EP400: variants seen among roughly 807,000 people sequenced by gnomAD.
EP400 encodes the protein E1A-binding protein p400.
In EP400, 105 loss-of-function variants were observed where a neutral mutation model predicts 354.1. The ratio of observed to expected loss-of-function variants is 0.30; its 90% CI spans 0.25 to 0.35. The LOEUF is 0.35. Ranked by LOEUF, EP400 falls within the 10% of genes least tolerant of loss-of-function variation. EP400 has a pLI of 1.00. For synonymous variants in EP400, 1,646 were observed against 1,716.9 expected, an observed-to-expected ratio of 0.96 and a Z score of 1.02; for missense variants, 3,280 against 4,121.0, an observed-to-expected ratio of 0.80 and a Z score of 5.59.
At chr12:132,057,577 A>G (rs971424834) in intron 45 of EP400, among the ~76,000 whole-genome samples, 2 of 152,226 alleles carry the variant, frequency 1.3e-5, no homozygotes, top group Non-Finnish European at 2.9e-5. Flanking sequence ...GTAGAACCAT[A>G]TATTGTACTC....
rs767612218 is a variant in EP400 at position 132,056,241 on chromosome 12, C to T, written c.7884+1033C>T. ...GCAACATACCCTGAATGAGAAGAAA[C>T]GATGCTTCAAAGTCAGTGCTTTGGC... On this transcript the variant is annotated intron_variant, in intron 45 of 52. Transcript: ENST00000389561. Among the ~76,000 whole-genome samples, 22 of 152,196 alleles carry T rather than the reference C, an allele frequency of 1.4e-4. 1 individual carries two copies. The highest frequency in any genetic ancestry group is 4.1e-4 in the South Asian group (2 of 4,826).
At chr12:131,989,789 T>C (rs1205764809) in intron 7 of EP400, among the ~76,000 whole-genome samples, 175 bp from the exon 8 acceptor site, 1 of 152,188 alleles carries the variant, frequency 6.6e-6, no homozygotes, top group East Asian at 1.9e-4. Context: ...ATATTGATGG[T>C]GGTTTTTGCT....
chr12:132,011,439 C>G, intron 15 of EP400, 59 bp from the exon 16 acceptor site: 2 of 1,599,342 alleles, frequency 1.3e-6, no homozygotes, highest in South Asian at 1.1e-5. Flanking sequence ...AGACACAGTG[C>G]TAGGTGCCTG....
rs558597822 is a variant in EP400, at chr12:132,050,204, A to G, written c.7201-119A>G. 7 of 1,253,874 alleles carry G rather than the reference A, an allele frequency of 5.6e-6. No individual in the cohort carries two copies. The African/African-American group carries it at 9.0e-5, about 16-fold the overall frequency. The allele number at this position is 1,253,874 out of a possible 1,614,324, so 77.7% of individuals were successfully genotyped here. On this transcript the variant is annotated intron_variant, in intron 39 of 52. Coordinates refer to ENST00000389561, the MANE Select transcript of EP400 (RefSeq NM_015409.5). The surrounding 1 kb of genome is among the most constrained non-coding windows in gnomAD (Gnocchi z 4.8). Reference sequence around the variant, plus strand: ...TTGGAAAGAAGGCCCAGGAAAAGGAAGTTTGTGTTCAGCCATGGGGAGTTT... The same window carrying G: ...TTGGAAAGAAGGCCCAGGAAAAGGAGGTTTGTGTTCAGCCATGGGGAGTTT...
chr12:132,053,298 C>A, intron 42 of EP400, 45 bp from the exon 43 acceptor site: 1 of 1,602,970 alleles, frequency 6.2e-7, no homozygotes, highest in Non-Finnish European at 8.5e-7. Flanking sequence ...GTATGCAGGC[C>A]GAGTCTGCCC....
intron 50 of EP400, chr12:132,068,548 T>G (rs1428222515): frequency 6.6e-6 from 1 of 152,188 alleles, no homozygotes; most frequent in African/African-American, 2.4e-5. Flanking sequence ...AGCAATGGCA[T>G]GCTCTGTGGG....
At chr12:132,065,465 C>T (rs922377363) in intron 48 of EP400, 1 of 155,672 alleles carries the variant, frequency 6.4e-6, no homozygotes, top group Non-Finnish European at 1.4e-5. Flanking sequence ...GGAGGCTCAC[C>T]CTGAGCTAGA....
rs1291923573 is a variant in EP400, at chr12:132,025,065, TAAAACAAAAC to T, written c.4856-564_4856-555del. ...TGGTTTACTTCCTTTTTTTTTTTCTTAAAACAAAACAAAACAAAACAAAACATTTTTTGGC... is the reference window on the plus strand; with the variant it reads ...TGGTTTACTTCCTTTTTTTTTTTCTTAAAACAAAACAAAACATTTTTTGGC... On this transcript the variant is annotated intron_variant, in intron 24 of 52. Coordinates refer to ENST00000389561, the MANE Select transcript of EP400 (RefSeq NM_015409.5). The surrounding 1 kb of genome is among the most constrained non-coding windows in gnomAD (Gnocchi z 4.1). 8.4e-3 allele frequency among the ~76,000 whole-genome samples: 1,284 copies of T among 151,980 alleles called. 12 individuals are homozygous for T. Among genetic ancestry groups the T allele is most frequent in the African/African-American group, 0.03 (1,230 of 41,398 alleles).
chr12:132,044,972 T>G lies in EP400; in HGVS notation c.6784+19T>G. 4 of 1,612,516 alleles carry G rather than the reference T, an allele frequency of 2.5e-6. No individual in the cohort carries two copies. Among genetic ancestry groups the G allele is most frequent in the Non-Finnish European group, 1.7e-6 (2 of 1,179,526 alleles). On this transcript the variant is annotated intron_variant, in intron 37 of 52. Coordinates refer to ENST00000389561, the MANE Select transcript of EP400 (RefSeq NM_015409.5). ...CCCTCAGGTGCGCATCCCGAGGGCG[T>G]CACATGACCTGGGGGGGCCCTGGCC...
chr12:132,065,767 G>A (rs567087390), intron 48 of EP400: 1 of 152,334 alleles, frequency 6.6e-6, no homozygotes, highest in South Asian at 2.1e-4. Flanking sequence ...ACTACAGAAG[G>A]GTGCTTGGTT....
In EP400 at chr12:132,050,294, C is replaced by A. The variant is rs760631723; in HGVS notation, c.7201-29C>A. 1.9e-6 allele frequency: 3 copies of A among 1,613,280 alleles called. No homozygotes were observed. Among genetic ancestry groups the A allele is most frequent in the Non-Finnish European group, 2.5e-6 (3 of 1,179,502 alleles). ...AGCCGTCTGTCCATGCTGCCTAATT[C>A]AGATGCACTCTCGTCAATTTCATTG... On this transcript the variant is annotated intron_variant, in intron 39 of 52. Transcript: ENST00000389561. The surrounding 1 kb of genome is among the most constrained non-coding windows in gnomAD (Gnocchi z 4.8).
chr12:132,034,005 G>A (rs1894611031), intron 30 of EP400, among the ~76,000 whole-genome samples: 1 of 152,240 alleles, frequency 6.6e-6, no homozygotes, highest in Admixed American at 6.5e-5. Context: ...TTAACATTCA[G>A]TTGCACATCT....
chr12:132,044,539 A>G lies in EP400; in HGVS notation c.6586-132A>G, dbSNP rs546658529. 112 of 1,238,428 alleles carry G rather than the reference A, an allele frequency of 9.0e-5. 1 individual carries two copies. The South Asian group carries it at 1.1e-3, about 12-fold the overall frequency. The allele number at this position is 1,238,428 out of a possible 1,614,324, so 76.7% of individuals were successfully genotyped here. On this transcript the variant is annotated intron_variant, in intron 35 of 52. Transcript: ENST00000389561. ...TTGACCAGCTCTGATTAAAACATTTATAAGTCTTATAAATAGTCATGTTGA... is the reference window on the plus strand; with the variant it reads ...TTGACCAGCTCTGATTAAAACATTTGTAAGTCTTATAAATAGTCATGTTGA...
At chr12:132,030,968 C>G (rs1008933215) in intron 29 of EP400, among the ~76,000 whole-genome samples, 1 of 152,208 alleles carries the variant, frequency 6.6e-6, no homozygotes, top group Admixed American at 6.5e-5. Context: ...GTCGCGCAGC[C>G]TGCTTTATCT....
chr12:132,061,380 A>G (rs941036254), intron 45 of EP400, among the ~76,000 whole-genome samples: 1 of 152,258 alleles, frequency 6.6e-6, no homozygotes, highest in African/African-American at 2.4e-5. Flanking sequence ...GTAACACGCT[A>G]GATTTCCATC....
At position 131,960,708 on chromosome 12, in the gene EP400, C is replaced by CA; in HGVS notation, c.89_90insA (p.His31ProfsTer34). 2 of 348,952 alleles carry CA rather than the reference C, an allele frequency of 5.7e-6. No homozygotes were observed. Among genetic ancestry groups the CA allele is most frequent in the East Asian group, 9.1e-5 (1 of 10,988 alleles). The allele number at this position is 348,952 out of a possible 1,614,324, so 21.6% of individuals were successfully genotyped here. A position where few individuals can be genotyped will look rare whatever the true frequency, so the allele number is the denominator to read the frequency against. On this transcript the variant is annotated frameshift_variant, in exon 2 of 53. Transcript: ENST00000389561. LOFTEE classifies it high-confidence loss of function. ...GGCAGCGAGGGTGAGGAGCAGCCGG[C>CA]CCACCCCAACCCACCCCCGTCCCCC...
rs528655460 is a variant in EP400 at position 131,979,828 on chromosome 12, C to T, written c.1435+35C>T. 1.4e-4 allele frequency: 213 copies of T among 1,537,674 alleles called. 1 individual carries two copies. The South Asian group carries it at 2.5e-3, about 18-fold the overall frequency. The stretch of plus-strand genomic sequence containing the variant: ...CACGGCTAGCGTGGCCTCGGGAATG[C>T]CCCCCTCTCCTTGGGCTGCCGAGGT... On this transcript the variant is annotated intron_variant, in intron 3 of 52. Transcript: ENST00000389561.
rs145981813 is a variant in EP400 at position 131,986,686 on chromosome 12, C to T, written c.2102C>T (p.Pro701Leu). Residue 701 changes from proline (P) to leucine (L), a missense_variant, in exon 6 of 53, where the codon CCA becomes CTA. By Grantham distance (98) the Pro-to-Leu change is moderately conservative. Coordinates refer to ENST00000389561, the MANE Select transcript of EP400 (RefSeq NM_015409.5). ...TCAGCCACCAATAAGGCACTATCTC[C>T]AGTCACTTCCCGGACCCCAGGGGTG... ...PSSATNKALS[P>L]VTSRTPGVVA... 18 of 1,614,214 alleles carry T rather than the reference C, an allele frequency of 1.1e-5. No homozygotes were observed. The highest frequency in any genetic ancestry group is 1.4e-5 in the Non-Finnish European group (17 of 1,180,036).
intron 30 of EP400, among the ~76,000 whole-genome samples, chr12:132,032,979 C>T (rs1342568984): frequency 1.3e-5 from 2 of 151,630 alleles, no homozygotes; most frequent in East Asian, 3.9e-4. Context: ...CGGAGTTTCG[C>T]TCTTGTTAGC....
Sources: gnomAD v4.1 joint callset for allele counts (sites outside exome capture counted in the v4.1 genomes callset) on GRCh38, gnomAD v4.1.1 for gene constraint, Gnocchi (gnomAD v3.1) non-coding constraint, MANE v1.5 for transcripts, NCBI Gene and HGNC (gene_info 2026-07-23, HGNC 2026-07-21) for gene names.